Variants in COL14A1 observed in about 807,000 individuals in gnomAD.
COL14A1 encodes the protein collagen type XIV alpha 1 chain, also known as collagen alpha-1(XIV) chain.
A neutral mutation model predicts 230.3 loss-of-function variants in COL14A1; 136 were observed. That is an observed-to-expected ratio of 0.59 (90% CI 0.51 to 0.68). COL14A1 has a LOEUF of 0.68. COL14A1 is among the 30% of genes least tolerant of loss of function. The pLI is 0.00. For missense variants in COL14A1, 1,976 were observed against 2,215.8 expected (o/e 0.89, Z 2.17); for synonymous variants, 792 against 784.1 (o/e 1.01, Z -0.17).
chr8:120,315,456 A>T, intron 38 of COL14A1, 77 bp from the exon 39 acceptor site: 1 of 1,120,616 alleles, frequency 8.9e-7, no homozygotes, highest in Non-Finnish European at 1.3e-6. Flanking sequence ...GAAACTATTT[A>T]AATAATGAGA....
intron 12 of COL14A1, among the ~76,000 whole-genome samples, chr8:120,210,473 T>G (rs987053155): frequency 2.6e-5 from 4 of 152,222 alleles, no homozygotes; most frequent in African/African-American, 9.6e-5. Flanking sequence ...AGTGACTGTT[T>G]TCTCCATATA....
chr8:120,208,402 G>A, intron 11 of COL14A1, 41 bp downstream of exon 11: 1 of 1,590,824 alleles, frequency 6.3e-7, no homozygotes, highest in Non-Finnish European at 8.6e-7. Context: ...TTTGTAGAGT[G>A]CTGCTTAGGA....
intron 40 of COL14A1, among the ~76,000 whole-genome samples, chr8:120,318,396 C>T (rs1821312286): frequency 6.6e-6 from 1 of 152,052 alleles, no homozygotes; most frequent in Non-Finnish European, 1.5e-5. Flanking sequence ...TTCTCAGAGA[C>T]AGTAGAGAAG....
intron 36 of COL14A1, among the ~76,000 whole-genome samples, chr8:120,307,179 C>G (rs1820880147): frequency 6.6e-6 from 1 of 152,128 alleles, no homozygotes; most frequent in South Asian, 2.1e-4. Flanking sequence ...CAAAGAAAAG[C>G]TGAGAAAACA....
intron 23 of COL14A1, among the ~76,000 whole-genome samples, chr8:120,256,960 C>T (rs139452000): frequency 1.0e-3 from 159 of 152,196 alleles, no homozygotes; most frequent in African/African-American, 3.3e-3. Context: ...GTTGACACAA[C>T]GATGTATAAA....
Position 120,232,384 on chromosome 8 carries a change from CATTAAGTATTTCTCCTA to C in COL14A1, c.2349+769_2349+785del, listed in dbSNP as rs1818301715. 2.0e-5 allele frequency among the ~76,000 whole-genome samples: 3 copies of C among 152,120 alleles called. No homozygotes were observed. The South Asian group carries it at 6.2e-4, about 32-fold the overall frequency. On this transcript the variant is annotated intron_variant, in intron 19 of 47. Coordinates refer to ENST00000297848, the MANE Select transcript of COL14A1 (RefSeq NM_021110.4). ...GCTGCACCCATCAACCCGTCATCTA[CATTAAGTATTTCTCCTA>C]ATGCTATCCCTCCCCTTGCCCCACA...
intron 21 of COL14A1, among the ~76,000 whole-genome samples, 159 bp downstream of exon 21, chr8:120,247,894 A>G (rs751841642): frequency 6.6e-6 from 1 of 152,140 alleles, no homozygotes; most frequent in African/African-American, 2.4e-5. Context: ...GTGTTTTAGT[A>G]TGGTCAGTGA....
chr8:120,244,584 T>C (rs1818708179), intron 20 of COL14A1, among the ~76,000 whole-genome samples: 1 of 152,202 alleles, frequency 6.6e-6, no homozygotes, highest in South Asian at 2.1e-4. Context: ...ATCCTTCTTA[T>C]GGCTTTGTAT....
At chr8:120,180,608 AG>A (rs950071900) in intron 5 of COL14A1, among the ~76,000 whole-genome samples, 1 of 148,996 alleles carries the variant, frequency 6.7e-6, no homozygotes, top group African/African-American at 2.5e-5. Context: ...ATTTCTTGGT[AG>A]GGTTCCTACA....
At chr8:120,315,857 G>A in intron 39 of COL14A1, 87 bp from the exon 40 acceptor site, 1 of 1,348,862 alleles carries the variant, frequency 7.4e-7, no homozygotes, top group Non-Finnish European at 1.1e-6. Flanking sequence ...AGGTTTGTTT[G>A]GAGGCCTTCA....
intron 9 of COL14A1, among the ~76,000 whole-genome samples, chr8:120,204,219 A>G (rs762347500): frequency 3.3e-5 from 5 of 152,242 alleles, no homozygotes; most frequent in Non-Finnish European, 5.9e-5. Context: ...AAAATCTTGT[A>G]AAACTAATTA....
At chr8:120,154,961 G>A (rs1185258149) in intron 2 of COL14A1, among the ~76,000 whole-genome samples, 1 of 152,114 alleles carries the variant, frequency 6.6e-6, no homozygotes, top group African/African-American at 2.4e-5. Flanking sequence ...CCTTCTGAAA[G>A]GGGGAAAAAA....
intron 42 of COL14A1, among the ~76,000 whole-genome samples, chr8:120,339,796 G>A (rs1266872851): frequency 1.3e-5 from 2 of 152,046 alleles, no homozygotes; most frequent in African/African-American, 4.8e-5. Context: ...CAGCACTTTG[G>A]TAGGCTGAAG....
At chr8:120,199,257 G>T in intron 7 of COL14A1, 145 bp from the exon 8 acceptor site, 2 of 670,404 alleles carry the variant, frequency 3.0e-6, no homozygotes, top group Admixed American at 4.1e-5. Context: ...ATCTGTGAAA[G>T]ACAACGTTAT....
At position 120,244,591 on chromosome 8, in the gene COL14A1, G is replaced by A. The variant is rs1818708433; in HGVS notation, c.2479+583G>A. Among the ~76,000 whole-genome samples the A allele has an allele frequency of 2.0e-5, 3 of 152,042 alleles. No individual in the cohort carries two copies. In the South Asian group the frequency reaches 6.2e-4, roughly 31 times the overall value. ...TCCATTGTATCCTTCTTATGGCTTTGTATCTTCATAGCTTATCTCCCACTT... is the reference window on the plus strand; with the variant it reads ...TCCATTGTATCCTTCTTATGGCTTTATATCTTCATAGCTTATCTCCCACTT... On this transcript the variant is annotated intron_variant, in intron 20 of 47. Transcript: ENST00000297848.
At chr8:120,338,584 A>T (rs933263291) in intron 42 of COL14A1, among the ~76,000 whole-genome samples, 1 of 152,188 alleles carries the variant, frequency 6.6e-6, no homozygotes, top group African/African-American at 2.4e-5. Flanking sequence ...ATCTTATAGG[A>T]GTATTGTAAG....
chr8:120,367,314 GAGGAA>G, intron 46 of COL14A1, 66 bp downstream of exon 46: 2 of 1,300,540 alleles, frequency 1.5e-6, no homozygotes, highest in Non-Finnish European at 2.2e-6. Flanking sequence ...CATTGCAAGT[GAGGAA>G]AATGGTCATC....
intron 43 of COL14A1, among the ~76,000 whole-genome samples, chr8:120,341,699 G>A (rs1171189864): frequency 6.6e-6 from 1 of 152,112 alleles, no homozygotes; most frequent in African/African-American, 2.4e-5. Flanking sequence ...ATGTGAAAAG[G>A]CTTCAGAAAA....
At chr8:120,290,096 A>G (rs1820328452) in intron 34 of COL14A1, among the ~76,000 whole-genome samples, 1 of 152,170 alleles carries the variant, frequency 6.6e-6, no homozygotes. Flanking sequence ...TGGGGCATAA[A>G]TGGTTTTTAG....
Sources: allele counts gnomAD v4.1 joint callset (sites outside exome capture counted in the v4.1 genomes callset), GRCh38; gene constraint gnomAD v4.1.1; transcripts MANE v1.5; gene names NCBI Gene and HGNC (gene_info 2026-07-23, HGNC 2026-07-21).